Variants in TENM4 observed in about 807,000 individuals in gnomAD.
TENM4 encodes the protein teneurin-4.
Under a neutral mutation model 243.3 loss-of-function variants are expected in TENM4, and 82 were observed. The ratio of observed to expected loss-of-function variants is 0.34; its 90% CI spans 0.28 to 0.40. The LOEUF (loss-of-function observed/expected upper bound fraction) is 0.40, where lower values mean the gene tolerates loss of function less well. TENM4 is among the 10% of genes least tolerant of loss of function. TENM4 has a pLI of 1.00. For synonymous variants in TENM4, 1,412 were observed against 1,456.3 expected (o/e 0.97, Z 0.69); for missense variants, 3,138 against 3,673.3 (o/e 0.85, Z 3.77).
At chr11:79,389,025 A>G (rs1242479945) in intron 1 of TENM4, among the ~76,000 whole-genome samples, 1 of 152,264 alleles carries the variant, frequency 6.6e-6, no homozygotes. Context: ...GCACCAGATC[A>G]GGGAAGGTTC....
chr11:78,863,085 GC>G lies in TENM4; in HGVS notation c.1131del (p.Gln378ArgfsTer29). 1 of 1,532,426 alleles carries G rather than the reference GC, an allele frequency of 6.5e-7. No homozygotes were observed. The highest frequency in any genetic ancestry group is 8.8e-7 in the Non-Finnish European group (1 of 1,132,782). 94.9% of individuals were successfully genotyped at this position (1,532,426 alleles called of 1,614,324 possible). On this transcript the variant is annotated frameshift_variant, in exon 10 of 34. Transcript: ENST00000278550. LOFTEE classifies it high-confidence loss of function. ...GTGTCCTCCGTGATCTCATACATCT[GC>G]CCCTCCATCGGCTGCAGGTGCCAGT... Reference protein sequence around the residue: ...GLNWHLQPMEGQMYEITEDTA... With the variant: ...GLNWHLQPMEXQMYEITEDTA...
intron 6 of TENM4, among the ~76,000 whole-genome samples, chr11:78,936,123 G>A (rs1221268811): frequency 6.6e-6 from 1 of 152,206 alleles, no homozygotes; most frequent in Non-Finnish European, 1.5e-5. Context: ...TTCTTGCAGG[G>A]CTGGAATGCA....
intron 6 of TENM4, among the ~76,000 whole-genome samples, chr11:78,992,021 G>T (rs1858059059): frequency 6.6e-6 from 1 of 152,194 alleles, no homozygotes; most frequent in African/African-American, 2.4e-5. Context: ...TTGAAAAATA[G>T]TGACTCATTA....
intron 19 of TENM4, among the ~76,000 whole-genome samples, chr11:78,751,397 C>A (rs1856188661): frequency 6.6e-6 from 1 of 152,150 alleles, no homozygotes; most frequent in African/African-American, 2.4e-5. Flanking sequence ...GCTCCCTGTC[C>A]ACGACCATCT....
At chr11:79,107,522 G>A (rs1239939393) in intron 4 of TENM4, among the ~76,000 whole-genome samples, 1 of 152,166 alleles carries the variant, frequency 6.6e-6, no homozygotes, top group Non-Finnish European at 1.5e-5. Context: ...ACTAGCTTTG[G>A]GAAAGCCTTT....
At chr11:78,885,760 C>T (rs1855534742) in intron 9 of TENM4, among the ~76,000 whole-genome samples, 1 of 152,124 alleles carries the variant, frequency 6.6e-6, no homozygotes, top group African/African-American at 2.4e-5. Context: ...TCTACACACA[C>T]ACACAAATTT....
rs924989886 is a variant in TENM4, at chr11:78,805,348, G to C, written c.2123C>G (p.Pro708Arg). ...DQCSGHGTFL[P>R]DTGLCSCDPS... ...GTCACAGCTGCAAAGCCCGGTGTCC[G>C]GGAGGAAGGTTCCGTGGCCTGAACA... The change falls in exon 15 of 34, where the codon CCG becomes CGG. Residue 708 changes from proline (P) to arginine (R), a missense_variant. Transcript: ENST00000278550. 5 of 1,112,322 alleles carry C rather than the reference G, an allele frequency of 4.5e-6. No individual in the cohort carries two copies. In the South Asian group the frequency reaches 8.5e-5, roughly 19 times the overall value. The allele number at this position is 1,112,322 out of a possible 1,614,324, so 68.9% of individuals were successfully genotyped here.
intron 6 of TENM4, among the ~76,000 whole-genome samples, chr11:78,934,914 G>A (rs902014113): frequency 4.6e-5 from 7 of 152,030 alleles, no homozygotes; most frequent in Admixed American, 4.6e-4. Flanking sequence ...TACTATGCAG[G>A]AGGGGGTTGT....
chr11:79,135,320 G>A (rs1191725657), intron 4 of TENM4, among the ~76,000 whole-genome samples: 2 of 151,848 alleles, frequency 1.3e-5, no homozygotes, highest in South Asian at 2.1e-4. Flanking sequence ...TGCAAGAATG[G>A]CCATAATCAA....
At chr11:79,059,889 T>C (rs535499693) in intron 6 of TENM4, among the ~76,000 whole-genome samples, 2 of 152,340 alleles carry the variant, frequency 1.3e-5, no homozygotes, top group East Asian at 3.9e-4. Flanking sequence ...GGTCTCCACA[T>C]TGGACTCTGA....
At chr11:79,344,970 G>A (rs573827878) in intron 1 of TENM4, among the ~76,000 whole-genome samples, 2 of 152,210 alleles carry the variant, frequency 1.3e-5, no homozygotes, top group South Asian at 2.1e-4. Context: ...ACTTCCTAAG[G>A]GTAATGGATT....
chr11:79,023,514 A>G (rs1320401076), intron 6 of TENM4, among the ~76,000 whole-genome samples: 1 of 151,544 alleles, frequency 6.6e-6, no homozygotes, highest in Non-Finnish European at 1.5e-5. Flanking sequence ...GTGAGCCAAG[A>G]TCATGCCACT....
intron 2 of TENM4, among the ~76,000 whole-genome samples, chr11:79,287,808 AG>A (rs1487943800): frequency 6.6e-6 from 1 of 152,136 alleles, no homozygotes; most frequent in African/African-American, 2.4e-5. Flanking sequence ...AATTGTCTCA[AG>A]GGCAGAGGGT....
chr11:79,347,905 C>G (rs11237795), intron 1 of TENM4, among the ~76,000 whole-genome samples: 30,251 of 150,846 alleles, frequency 0.2, 3,182 homozygotes, highest in African/African-American at 0.27. Context: ...TCAGCCTCCC[C>G]AGTAGCTGGG....
At chr11:78,806,224 A>G (rs1456648441) in intron 14 of TENM4, among the ~76,000 whole-genome samples, 2 of 152,196 alleles carry the variant, frequency 1.3e-5, no homozygotes, top group East Asian at 3.8e-4. Flanking sequence ...GCTTGAGTCC[A>G]GGAGGTCAAG....
chr11:79,337,026 G>GAC (rs1857159272), intron 1 of TENM4, among the ~76,000 whole-genome samples: 2 of 152,226 alleles, frequency 1.3e-5, no homozygotes, highest in Non-Finnish European at 1.5e-5. Context: ...TAGCCGAGGG[G>GAC]ACAAGGAGGT....
chr11:79,058,395 A>G lies in TENM4; in HGVS notation c.493+6343T>C, dbSNP rs188645062. On this transcript the variant is annotated intron_variant, in intron 6 of 33. Coordinates refer to ENST00000278550, the MANE Select transcript of TENM4 (RefSeq NM_001098816.3). ...TGTCTCTACTAAAAATACAAAAAAAATTAGCCAGGTGTGGTGGTGGGCGCC... is the reference window on the plus strand; with the variant it reads ...TGTCTCTACTAAAAATACAAAAAAAGTTAGCCAGGTGTGGTGGTGGGCGCC... 5.0e-3 allele frequency among the ~76,000 whole-genome samples: 758 copies of G among 152,232 alleles called. 3 individuals are homozygous for G. The highest frequency in any genetic ancestry group is 0.024 in the Middle Eastern group (7 of 294).
intron 3 of TENM4, among the ~76,000 whole-genome samples, chr11:79,207,774 G>T (rs1863878066): frequency 6.7e-6 from 1 of 150,214 alleles, no homozygotes; most frequent in Non-Finnish European, 1.5e-5. Flanking sequence ...GCTGAGGTAG[G>T]AGGATCGCTT....
intron 6 of TENM4, among the ~76,000 whole-genome samples, chr11:78,948,727 C>G (rs1857057122): frequency 1.3e-5 from 2 of 152,328 alleles, no homozygotes; most frequent in African/African-American, 4.8e-5. Context: ...TTGTAAGAGT[C>G]AAGTTTTTGG....
Sources: gnomAD v4.1 joint callset for allele counts (sites outside exome capture counted in the v4.1 genomes callset) on GRCh38, gnomAD v4.1.1 for gene constraint, MANE v1.5 for transcripts, NCBI Gene and HGNC (gene_info 2026-07-23, HGNC 2026-07-21) for gene names.